The following EIF4G3 variants were observed in gnomAD, a reference collection of about 807,000 sequenced individuals.
The protein encoded by EIF4G3 is eukaryotic translation initiation factor 4 gamma 3.
EIF4G3 carries 34 observed loss-of-function variants against 186.4 expected under a neutral mutation model. That is an observed-to-expected ratio of 0.18 (90% CI 0.14 to 0.24). The LOEUF is 0.24. EIF4G3 is among the 10% of genes least tolerant of loss of function. The pLI, the probability that EIF4G3 is intolerant of heterozygous loss-of-function variation, is 1.00. For missense variants in EIF4G3, 1,536 were observed against 1,948.5 expected (o/e 0.79, Z 3.99); for synonymous variants, 673 against 679.5 (o/e 0.99, Z 0.15).
At chr1:20,808,979 C>A (rs540194698) in intron 36 of EIF4G3, among the ~76,000 whole-genome samples, 36 of 146,382 alleles carry the variant, frequency 2.5e-4, no homozygotes, top group Non-Finnish European at 4.4e-4. Flanking sequence ...GTCGTATTAA[C>A]TTTTTTTTTT....
chr1:20,863,729 C>T (rs1279062740), intron 22 of EIF4G3, among the ~76,000 whole-genome samples: 1 of 151,000 alleles, frequency 6.6e-6, no homozygotes, highest in Non-Finnish European at 1.5e-5. Flanking sequence ...CAAGCATGAG[C>T]CACCGTGCCC....
chr1:21,028,981 C>G (rs540768606), intron 4 of EIF4G3, among the ~76,000 whole-genome samples: 1 of 152,312 alleles, frequency 6.6e-6, no homozygotes, highest in East Asian at 1.9e-4. Flanking sequence ...CTGGATGCCG[C>G]AAGTGAATCT....
At chr1:21,134,254 T>C (rs966349923) in intron 2 of EIF4G3, among the ~76,000 whole-genome samples, 1 of 152,188 alleles carries the variant, frequency 6.6e-6, no homozygotes, top group Non-Finnish European at 1.5e-5. Flanking sequence ...TCAGAAAATA[T>C]CTTACAGGCT....
At chr1:21,031,571 T>C (rs1451452265) in intron 4 of EIF4G3, among the ~76,000 whole-genome samples, 3 of 150,850 alleles carry the variant, frequency 2.0e-5, no homozygotes, top group Non-Finnish European at 4.4e-5. Context: ...TAGTGTTACA[T>C]AAATTTCCAC....
chr1:21,030,627 T>C (rs900741830), intron 4 of EIF4G3, among the ~76,000 whole-genome samples: 1 of 152,156 alleles, frequency 6.6e-6, no homozygotes, highest in East Asian at 1.9e-4. Context: ...GTAACAAAAA[T>C]ATAAAAAATA....
chr1:21,153,558 T>TTTTG (rs749732838), intron 2 of EIF4G3, among the ~76,000 whole-genome samples: 44 of 152,208 alleles, frequency 2.9e-4, no homozygotes, highest in Admixed American at 1.8e-3. Context: ...TGCAGCTTTT[T>TTTTG]TTTGTTTGTT....
chr1:20,868,913 T>C (rs2154552747), intron 20 of EIF4G3, among the ~76,000 whole-genome samples: 1 of 152,330 alleles, frequency 6.6e-6, no homozygotes, highest in South Asian at 2.1e-4. Context: ...ATCTTAGATA[T>C]GAATGTTGTC....
intron 2 of EIF4G3, among the ~76,000 whole-genome samples, chr1:21,159,684 G>A (rs2097726565): frequency 6.6e-6 from 1 of 152,152 alleles, no homozygotes. Flanking sequence ...AGGCTGCAGT[G>A]AGCCAGGTAT....
intron 2 of EIF4G3, among the ~76,000 whole-genome samples, chr1:21,120,536 G>A (rs1393029835): frequency 6.9e-6 from 1 of 145,880 alleles, no homozygotes; most frequent in African/African-American, 2.6e-5. Context: ...GAAGGCAGGA[G>A]AATCACTTGA....
At chr1:20,931,203 T>C (rs1382002125) in intron 14 of EIF4G3, among the ~76,000 whole-genome samples, 1 of 152,066 alleles carries the variant, frequency 6.6e-6, no homozygotes, top group African/African-American at 2.4e-5. Context: ...GGTTTTTAGT[T>C]TGCCCAGATC....
At chr1:20,836,906 C>T (rs1210945258) in intron 30 of EIF4G3, among the ~76,000 whole-genome samples, 1 of 152,162 alleles carries the variant, frequency 6.6e-6, no homozygotes, top group African/African-American at 2.4e-5. Flanking sequence ...AATGCTTCTA[C>T]CTATCTACCT....
chr1:21,043,134 AAG>A (rs1320539449), intron 4 of EIF4G3, among the ~76,000 whole-genome samples: 1 of 152,152 alleles, frequency 6.6e-6, no homozygotes, highest in Non-Finnish European at 1.5e-5. Flanking sequence ...AGAAATAAAC[AAG>A]AGTCTCCCAG....
intron 2 of EIF4G3, among the ~76,000 whole-genome samples, chr1:21,108,895 T>C (rs1364445062): frequency 2.6e-5 from 2 of 76,502 alleles, no homozygotes; most frequent in Non-Finnish European, 4.6e-5. Context: ...AGAGTGAGAC[T>C]CCATCTCAAA....
At chr1:20,819,954 CAG>C (rs888325470) in intron 33 of EIF4G3, among the ~76,000 whole-genome samples, 2 of 151,906 alleles carry the variant, frequency 1.3e-5, no homozygotes, top group Admixed American at 6.6e-5. Flanking sequence ...GAGAGAGAGA[CAG>C]AGAGAGAGAT....
chr1:20,899,859 C>G lies in EIF4G3; in HGVS notation c.1837G>C (p.Asp613His). 6.2e-7 allele frequency: 1 copy of G among 1,614,092 alleles called. No homozygotes were observed. The highest frequency in any genetic ancestry group is 8.5e-7 in the Non-Finnish European group (1 of 1,180,000). ...KMSQGFHPER[D>H]PSDLKKVKAV... ...TTCACTTTTTTTAGGTCAGAGGGGTCTCTTTCAGGATGAAACCCCTGGCTC... is the reference window on the plus strand; with the variant it reads ...TTCACTTTTTTTAGGTCAGAGGGGTGTCTTTCAGGATGAAACCCCTGGCTC... Residue 613 changes from aspartate to histidine, a missense_variant, in exon 16 of 37, where the codon GAC becomes CAC. Coordinates refer to ENST00000602326, the MANE Select transcript of EIF4G3 (RefSeq NM_001391906.1).
intron 3 of EIF4G3, among the ~76,000 whole-genome samples, chr1:21,057,707 T>C (rs1342765963): frequency 6.6e-6 from 1 of 152,032 alleles, no homozygotes; most frequent in Non-Finnish European, 1.5e-5. Flanking sequence ...AAAAACAAGA[T>C]TAAAGACAAA....
In EIF4G3 at chr1:20,810,443, C is replaced by T. The variant is rs1267135471; in HGVS notation, c.4744+295G>A. Among the ~76,000 whole-genome samples the T allele has an allele frequency of 6.6e-6, 1 of 152,012 alleles. No individual in the cohort carries two copies. Among genetic ancestry groups the T allele is most frequent in the Admixed American group, 6.6e-5 (1 of 15,266 alleles). On this transcript the variant is annotated intron_variant, in intron 36 of 36. Coordinates refer to ENST00000602326, the MANE Select transcript of EIF4G3 (RefSeq NM_001391906.1). The surrounding 1 kb of genome is among the most constrained non-coding windows in gnomAD (Gnocchi z 4.1). ...TGCTGGGATTACAGGTGTGAGCCACCGTGCTCAGCCATTTCTGTATTTTTA... is the reference window on the plus strand; with the variant it reads ...TGCTGGGATTACAGGTGTGAGCCACTGTGCTCAGCCATTTCTGTATTTTTA...
At chr1:20,898,302 C>CAACA (rs2154556352) in intron 16 of EIF4G3, among the ~76,000 whole-genome samples, 2 of 151,978 alleles carry the variant, frequency 1.3e-5, no homozygotes, top group African/African-American at 4.8e-5. Flanking sequence ...GCAGCCTGGG[C>CAACA]AACATAGTGA....
intron 4 of EIF4G3, among the ~76,000 whole-genome samples, chr1:21,030,430 C>T (rs1024225228): frequency 6.6e-6 from 1 of 152,176 alleles, no homozygotes; most frequent in South Asian, 2.1e-4. Context: ...TTGCCTGCTG[C>T]CATCCATGTA....
Sources: allele counts gnomAD v4.1 joint callset (sites outside exome capture counted in the v4.1 genomes callset), GRCh38; gene constraint gnomAD v4.1.1; non-coding constraint Gnocchi (gnomAD v3.1); transcripts MANE v1.5; gene names NCBI Gene and HGNC (gene_info 2026-07-23, HGNC 2026-07-21).